STIM2: variants seen among roughly 807,000 people sequenced by gnomAD.
STIM2 encodes the protein stromal interaction molecule 2.
STIM2 carries 31 observed loss-of-function variants against 85.8 expected under a neutral mutation model. The observed-to-expected ratio is 0.36, with a 90% CI of 0.27 to 0.49. The LOEUF (loss-of-function observed/expected upper bound fraction) is 0.49, where lower values mean the gene tolerates loss of function less well. STIM2 is among the 20% of genes least tolerant of loss of function. The pLI, the probability that STIM2 is intolerant of heterozygous loss-of-function variation, is 0.98. For synonymous variants in STIM2, 356 were observed against 331.1 expected, an observed-to-expected ratio of 1.08 and a Z score of -0.82; for missense variants, 841 against 927.6, an observed-to-expected ratio of 0.91 and a Z score of 1.21.
At chr4:27,022,124 A>C (rs544121842) in intron 11 of STIM2, among the ~76,000 whole-genome samples, 7 of 152,342 alleles carry the variant, frequency 4.6e-5, no homozygotes, top group African/African-American at 1.4e-4. Context: ...AGGGAGAGGC[A>C]GTGACTAAAA....
At chr4:26,902,383 C>G (rs1481656548) in intron 1 of STIM2, among the ~76,000 whole-genome samples, 1 of 152,096 alleles carries the variant, frequency 6.6e-6, no homozygotes, top group Non-Finnish European at 1.5e-5. Flanking sequence ...TTGTGATTAC[C>G]TTCAAATTAC....
At chr4:26,973,995 GC>G (rs1727081072) in intron 3 of STIM2, among the ~76,000 whole-genome samples, 1 of 151,376 alleles carries the variant, frequency 6.6e-6, no homozygotes, top group African/African-American at 2.4e-5. Flanking sequence ...TTATGTAACA[GC>G]CTTGTTTCTT....
chr4:26,938,119 T>G (rs1725461884), intron 2 of STIM2, among the ~76,000 whole-genome samples: 1 of 151,918 alleles, frequency 6.6e-6, no homozygotes, highest in Admixed American at 6.5e-5. Context: ...TAATGTTGAC[T>G]CTTTCATTGA....
rs1382193349 is a variant in STIM2 at position 27,023,412 on chromosome 4, C to T, written c.*416C>T. 5.7e-6 allele frequency: 1 copy of T among 176,722 alleles called. No homozygotes were observed. Among genetic ancestry groups the T allele is most frequent in the Non-Finnish European group, 1.2e-5 (1 of 81,640 alleles). The allele number at this position is 176,722 out of a possible 1,614,324, so 10.9% of individuals were successfully genotyped here. Reference sequence around the variant, plus strand: ...TATCTTTCCACAGAGCTATTTACATCCTGGACTATATAACTTAAAAGAAGT... The same window carrying T: ...TATCTTTCCACAGAGCTATTTACATTCTGGACTATATAACTTAAAAGAAGT... On this transcript the variant is annotated 3_prime_UTR_variant, in exon 12 of 12. Transcript: ENST00000467087.
chr4:27,018,020 G>T (rs759503215), intron 11 of STIM2, 36 bp downstream of exon 11: 1 of 1,606,946 alleles, frequency 6.2e-7, no homozygotes, highest in South Asian at 1.1e-5. Context: ...GCATGTTGGG[G>T]CTGGGTTGGG....
chr4:27,005,025 C>G (rs948248557), intron 7 of STIM2, among the ~76,000 whole-genome samples: 3 of 152,114 alleles, frequency 2.0e-5, no homozygotes, highest in African/African-American at 7.2e-5. Flanking sequence ...CAAGGTTTTG[C>G]GTGTCATATT....
chr4:26,929,030 G>A (rs541184984), intron 2 of STIM2, among the ~76,000 whole-genome samples: 3 of 152,158 alleles, frequency 2.0e-5, no homozygotes, highest in Non-Finnish European at 4.4e-5. Flanking sequence ...TGGCTATTGA[G>A]CATTCGAAGT....
intron 5 of STIM2, among the ~76,000 whole-genome samples, chr4:27,001,137 G>C (rs773390898): frequency 5.3e-5 from 8 of 152,182 alleles, no homozygotes; most frequent in Non-Finnish European, 1.0e-4. Flanking sequence ...AGGAACTTCT[G>C]TAGAACTCTT....
At chr4:26,952,051 GACTT>G (rs1189583770) in intron 2 of STIM2, among the ~76,000 whole-genome samples, 1 of 152,128 alleles carries the variant, frequency 6.6e-6, no homozygotes, top group Non-Finnish European at 1.5e-5. Flanking sequence ...GATCTTGTGA[GACTT>G]ACTACCACGA....
chr4:26,873,454 C>T, intron 1 of STIM2: 1 of 245,778 alleles, frequency 4.1e-6, no homozygotes, highest in Non-Finnish European at 8.2e-6. Flanking sequence ...TAGTTCTGAA[C>T]TAAATCATTG....
intron 1 of STIM2, among the ~76,000 whole-genome samples, chr4:26,866,893 T>A (rs1435684276): frequency 2.0e-5 from 3 of 152,246 alleles, no homozygotes; most frequent in Middle Eastern, 3.2e-3. Context: ...CATTTTGAAC[T>A]TTCAGAGTGT....
rs546702217 is a variant in STIM2 at position 26,952,934 on chromosome 4, G to A, written c.283-4678G>A. Among the ~76,000 whole-genome samples the A allele has an allele frequency of 1.4e-4, 21 of 152,098 alleles. No individual in the cohort carries two copies. In the East Asian group the frequency reaches 2.9e-3, roughly 21 times the overall value. ...TTAGTTTTTTCATCTTTAAAAGTGGGAATAATAGTAGTACTTTTCTTGTGG... is the reference window on the plus strand; with the variant it reads ...TTAGTTTTTTCATCTTTAAAAGTGGAAATAATAGTAGTACTTTTCTTGTGG... On this transcript the variant is annotated intron_variant, in intron 2 of 11. Transcript: ENST00000467087.
chr4:27,000,310 C>T (rs1728107364), intron 5 of STIM2, among the ~76,000 whole-genome samples: 1 of 152,094 alleles, frequency 6.6e-6, no homozygotes, highest in Non-Finnish European at 1.5e-5. Flanking sequence ...CTGGAACTCC[C>T]CATATGAGAG....
Position 27,017,815 on chromosome 4 carries a change from G to T in STIM2, c.1594G>T (p.Ala532Ser), listed in dbSNP as rs1345297103. 3 of 1,614,070 alleles carry T rather than the reference G, an allele frequency of 1.9e-6. No individual in the cohort carries two copies. Among genetic ancestry groups the T allele is most frequent in the Non-Finnish European group, 2.5e-6 (3 of 1,180,016 alleles). ...GCCTCAGCCTCAGCGAGCTCAGCTT[G>T]CTCCACACGCCCCCCACCCGTCACA... The change falls in exon 11 of 12, where the codon GCT becomes TCT. Residue 532 changes from alanine to serine, a missense_variant. Around this residue, in one of 3 missense-constraint regions of STIM2, gnomAD observed 293 missense variants for 284.5 expected, o/e 1.03. Transcript: ENST00000467087.
At chr4:27,001,860 G>GT (rs372541162) in intron 5 of STIM2, among the ~76,000 whole-genome samples, 7 of 152,330 alleles carry the variant, frequency 4.6e-5, no homozygotes, top group Admixed American at 2.6e-4. Flanking sequence ...GATGATGGTG[G>GT]TGATACTTTT....
intron 3 of STIM2, among the ~76,000 whole-genome samples, chr4:26,994,787 A>G (rs542220092): frequency 1.3e-5 from 2 of 152,066 alleles, no homozygotes; most frequent in African/African-American, 4.8e-5. Flanking sequence ...TGTCTTCACA[A>G]TGGGACTCCT....
intron 2 of STIM2, among the ~76,000 whole-genome samples, chr4:26,955,752 T>C (rs1361175351): frequency 1.3e-5 from 2 of 150,312 alleles, no homozygotes; most frequent in Non-Finnish European, 3.0e-5. Flanking sequence ...CCAGTATATA[T>C]GTACAGGGTG....
intron 7 of STIM2, among the ~76,000 whole-genome samples, chr4:27,004,464 ACT>A (rs1194067153): frequency 6.6e-6 from 1 of 151,988 alleles, no homozygotes; most frequent in Non-Finnish European, 1.5e-5. Flanking sequence ...AAGACATCCA[ACT>A]CTCGGTTTGT....
At chr4:26,933,917 G>A (rs947614612) in intron 2 of STIM2, among the ~76,000 whole-genome samples, 1 of 152,054 alleles carries the variant, frequency 6.6e-6, no homozygotes, top group Non-Finnish European at 1.5e-5. Context: ...AATACGGCTG[G>A]GTGCATTGGC....
Sources: allele counts gnomAD v4.1 joint callset (sites outside exome capture counted in the v4.1 genomes callset), GRCh38; gene constraint gnomAD v4.1.1; regional missense constraint gnomAD v4.1.1; transcripts MANE v1.5; gene names NCBI Gene and HGNC (gene_info 2026-07-23, HGNC 2026-07-21).